The following IFT43 variants were observed in gnomAD, a reference collection of about 807,000 sequenced individuals.
IFT43 encodes intraflagellar transport protein 43 homolog.
Under a neutral mutation model 32.3 loss-of-function variants are expected in IFT43, and 33 were observed. The observed-to-expected ratio is 1.02, with a 90% CI of 0.77 to 1.37. IFT43 has a LOEUF of 1.37. Ranked by LOEUF, IFT43 falls within the 40% of genes most tolerant of loss-of-function variation. The pLI is 0.00. For synonymous variants in IFT43, 93 were observed against 98.2 expected, an observed-to-expected ratio of 0.95 and a Z score of 0.31; for missense variants, 274 against 265.9, an observed-to-expected ratio of 1.03 and a Z score of -0.21.
At chr14:76,073,648 A>G (rs1394921745) in intron 5 of IFT43, among the ~76,000 whole-genome samples, 2 of 152,162 alleles carry the variant, frequency 1.3e-5, no homozygotes, top group Admixed American at 6.5e-5. Flanking sequence ...GGAGGACACA[A>G]TGTGATTCCT....
chr14:76,079,912 G>A (rs1352150058), intron 5 of IFT43, among the ~76,000 whole-genome samples: 4 of 151,244 alleles, frequency 2.6e-5, no homozygotes, highest in Admixed American at 6.6e-5. Context: ...TTCTGTGTTC[G>A]TTCATGGTAT....
At position 76,000,518 on chromosome 14, in the gene IFT43, C is replaced by G. The variant is rs182270474; in HGVS notation, c.147+11541C>G. 2.5e-3 allele frequency among the ~76,000 whole-genome samples: 387 copies of G among 152,134 alleles called. 3 individuals carry two copies. The highest frequency in any genetic ancestry group is 4.6e-3 in the South Asian group (22 of 4,812). The stretch of plus-strand genomic sequence containing the variant: ...CGATCTCCTGACCTCATGATCCTCC[C>G]GCCTCGGCCTCCCAAAGTGCTGGGA... On this transcript the variant is annotated intron_variant, in intron 2 of 8. Transcript: ENST00000314067.
intron 3 of IFT43, among the ~76,000 whole-genome samples, chr14:76,040,102 G>A (rs1594837543): frequency 1.3e-5 from 2 of 152,110 alleles, no homozygotes; most frequent in African/African-American, 2.4e-5. Flanking sequence ...GCAGGTGTGT[G>A]TCACCACACC....
chr14:76,025,119 A>G (rs2036365475), intron 3 of IFT43, among the ~76,000 whole-genome samples: 1 of 152,234 alleles, frequency 6.6e-6, no homozygotes, highest in Admixed American at 6.5e-5. Flanking sequence ...ATGGCCAGTG[A>G]TCGAATTTAA....
At chr14:76,067,959 T>G (rs545445975) in intron 5 of IFT43, among the ~76,000 whole-genome samples, 1 of 152,368 alleles carries the variant, frequency 6.6e-6, no homozygotes, top group Non-Finnish European at 1.5e-5. Context: ...GGAGCTGATT[T>G]GCAAATCCTT....
At chr14:76,068,500 G>T (rs1269749760) in intron 5 of IFT43, among the ~76,000 whole-genome samples, 1 of 152,358 alleles carries the variant, frequency 6.6e-6, no homozygotes, top group East Asian at 1.9e-4. Context: ...CTTCAGGGAA[G>T]TGGGGATTCA....
At chr14:75,991,255 C>T (rs763592865) in intron 2 of IFT43, among the ~76,000 whole-genome samples, 17 of 151,788 alleles carry the variant, frequency 1.1e-4, no homozygotes, top group Admixed American at 9.9e-4. Context: ...TGCTTGAACC[C>T]GGGAGGCGGA....
intron 2 of IFT43, among the ~76,000 whole-genome samples, chr14:76,005,019 A>G (rs1474142743): frequency 6.6e-6 from 1 of 152,074 alleles, no homozygotes. Context: ...GTCCTTATAT[A>G]GCTGCTTTAA....
chr14:76,027,486 G>T (rs565819583), intron 3 of IFT43, among the ~76,000 whole-genome samples: 1 of 152,228 alleles, frequency 6.6e-6, no homozygotes, highest in Admixed American at 6.5e-5. Context: ...GAGGCGGGTG[G>T]ATCACGAGGT....
chr14:76,076,446 G>T, intron 5 of IFT43: 1 of 1,106,470 alleles, frequency 9.0e-7, no homozygotes, highest in Non-Finnish European at 1.3e-6. Flanking sequence ...AGGCATCTCT[G>T]CCTGGGTGGG....
Position 76,022,308 on chromosome 14 carries a change from G to T in IFT43, c.148-19G>T. 2 of 1,605,164 alleles carry T rather than the reference G, an allele frequency of 1.2e-6. No homozygotes were observed. The highest frequency in any genetic ancestry group is 1.7e-6 in the Non-Finnish European group (2 of 1,171,950). ...AAATGTTGAGTGAATGTGTTCTTTT[G>T]ACTTCTCTTTCCTTGTAGACTTCCT... On this transcript the variant is annotated intron_variant, in intron 2 of 8. Transcript: ENST00000314067.
chr14:76,062,938 A>AAAAAAAAAAAAG (rs1485146040), intron 5 of IFT43, among the ~76,000 whole-genome samples: 1 of 120,832 alleles, frequency 8.3e-6, no homozygotes, highest in African/African-American at 3.3e-5. Flanking sequence ...AAAAAAAAAA[A>AAAAAAAAAAAAG]AAAGAAAATA....
chr14:76,037,804 T>C (rs1361923102), intron 3 of IFT43, among the ~76,000 whole-genome samples: 1 of 152,158 alleles, frequency 6.6e-6, no homozygotes, highest in East Asian at 1.9e-4. Context: ...ATTTGTCTAT[T>C]TTGTTTGCAT....
In IFT43 at chr14:76,000,521, C is replaced by T. The variant is rs1032058382; in HGVS notation, c.147+11544C>T. Among the ~76,000 whole-genome samples the T allele has an allele frequency of 4.6e-5, 7 of 152,186 alleles. No homozygotes were observed. The South Asian group carries it at 1.5e-3, about 32-fold the overall frequency. On this transcript the variant is annotated intron_variant, in intron 2 of 8. Coordinates refer to ENST00000314067, the MANE Select transcript of IFT43 (RefSeq NM_001102564.3). ...TCTCCTGACCTCATGATCCTCCCGC[C>T]TCGGCCTCCCAAAGTGCTGGGATTA... is the stretch of plus-strand genomic sequence containing the variant.
Position 76,009,485 on chromosome 14 carries a change from G to A in IFT43, c.148-12842G>A, listed in dbSNP as rs139319824. The stretch of plus-strand genomic sequence containing the variant: ...TATTCACCAACAGTCAAGTCCTTAT[G>A]CTTACATATTCTCATTTCTCTTTGT... On this transcript the variant is annotated intron_variant, in intron 2 of 8. Coordinates refer to ENST00000314067, the MANE Select transcript of IFT43 (RefSeq NM_001102564.3). 3.1e-4 allele frequency among the ~76,000 whole-genome samples: 47 copies of A among 152,240 alleles called. No individual in the cohort carries two copies. The East Asian group carries it at 5.6e-3, about 18-fold the overall frequency.
chr14:76,062,389 A>C (rs193145500), intron 5 of IFT43, among the ~76,000 whole-genome samples: 188 of 152,082 alleles, frequency 1.2e-3, no homozygotes, highest in Non-Finnish European at 2.4e-3. Flanking sequence ...GCTTCTTTAC[A>C]TGATTAGTAG....
Position 76,082,320 on chromosome 14 carries a change from G to T in IFT43, c.321G>T (p.Glu107Asp). ...GGDIPIIPDL[E>D]EVQEEDFVLQ... ...ATATTCCTATCATTCCGGATCTGGAGGAAGTACAGGAAGAAGACTTTGTTT... is the reference window on the plus strand; with the variant it reads ...ATATTCCTATCATTCCGGATCTGGATGAAGTACAGGAAGAAGACTTTGTTT... Residue 107 changes from glutamate to aspartate, a missense_variant, in exon 6 of 9, where the codon GAG (glutamate) becomes GAT (aspartate). Glu to Asp is a conservative substitution (Grantham distance 45). Transcript: ENST00000314067. 1 of 1,613,988 alleles carries T rather than the reference G, an allele frequency of 6.2e-7. No individual in the cohort carries two copies. Among genetic ancestry groups the T allele is most frequent in the South Asian group, 1.1e-5 (1 of 91,072 alleles).
At chr14:76,081,619 C>T (rs187139160) in intron 5 of IFT43, among the ~76,000 whole-genome samples, 1 of 152,328 alleles carries the variant, frequency 6.6e-6, no homozygotes, top group East Asian at 1.9e-4. Flanking sequence ...CTCGTGTCTC[C>T]TCGTATGTTG....
chr14:76,058,582 T>TA (rs1246273093), intron 3 of IFT43, 60 bp from the exon 4 acceptor site: 1 of 1,604,104 alleles, frequency 6.2e-7, no homozygotes, highest in African/African-American at 1.3e-5. Context: ...CTCAAGATAC[T>TA]ACCTGGTGCA....
Sources: gnomAD v4.1 joint callset for allele counts (sites outside exome capture counted in the v4.1 genomes callset) on GRCh38, gnomAD v4.1.1 for gene constraint, MANE v1.5 for transcripts, NCBI Gene and HGNC (gene_info 2026-07-23, HGNC 2026-07-21) for gene names.